PMS1: variants seen among roughly 807,000 people sequenced by gnomAD.
PMS1 encodes PMS1 homolog 1, mismatch repair system component.
A neutral mutation model predicts 93.1 loss-of-function variants in PMS1; 79 were observed. The ratio of observed to expected loss-of-function variants is 0.85; its 90% CI spans 0.71 to 1.02. The LOEUF is 1.02. Among genes scored for constraint, PMS1 ranks in the 50% least tolerant of loss-of-function variants. The pLI, the probability that PMS1 is intolerant of heterozygous loss-of-function variation, is 0.00. For missense variants in PMS1, 1,064 were observed against 1,085.3 expected, an observed-to-expected ratio of 0.98 and a Z score of 0.28; for synonymous variants, 335 against 363.4, an observed-to-expected ratio of 0.92 and a Z score of 0.89.
At chr2:189,802,778 T>C (rs1309566038) in intron 3 of PMS1, among the ~76,000 whole-genome samples, 2 of 152,216 alleles carry the variant, frequency 1.3e-5, no homozygotes, top group South Asian at 2.1e-4. Context: ...TCTGACTCCT[T>C]TTCCACAGTG....
At chr2:189,874,125 T>TAATA (rs1256593674) in intron 12 of PMS1, among the ~76,000 whole-genome samples, 1 of 152,148 alleles carries the variant, frequency 6.6e-6, no homozygotes, top group African/African-American at 2.4e-5. Context: ...AACACTCTAT[T>TAATA]AAGTTTCACA....
chr2:189,873,424 G>A, intron 11 of PMS1, 72 bp from the exon 12 acceptor site: 1 of 1,010,380 alleles, frequency 9.9e-7, no homozygotes, highest in Non-Finnish European at 1.5e-6. Context: ...TGTTTTAACA[G>A]CAATTTTTGT....
intron 3 of PMS1, among the ~76,000 whole-genome samples, chr2:189,797,206 C>T (rs771220493): frequency 6.6e-6 from 1 of 152,136 alleles, no homozygotes; most frequent in Non-Finnish European, 1.5e-5. Context: ...AGTGAGATTA[C>T]GCTCTAGAGA....
Position 189,861,400 on chromosome 2 carries a change from C to CT in PMS1, c.1857-2328dup, listed in dbSNP as rs11295204. ...CTATTTCATCTTCATTTTTGAAGGA[C>CT]TTTTTTTTTTTTTTTAATGATATAG... On this transcript the variant is annotated intron_variant, in intron 9 of 12. Coordinates refer to ENST00000441310, the MANE Select transcript of PMS1 (RefSeq NM_000534.5). Among the ~76,000 whole-genome samples the CT allele has an allele frequency of 3.8e-3, 518 of 136,982 alleles. 2 individuals carry two copies. The highest frequency in any genetic ancestry group is 7.7e-3 in the African/African-American group (294 of 38,342). The allele number at this position is 136,982 out of a possible 152,430, so 89.9% of individuals were successfully genotyped here. A position where few individuals can be genotyped will look rare whatever the true frequency, so the allele number is the denominator to read the frequency against.
chr2:189,826,580 T>C (rs1374285528), intron 5 of PMS1, among the ~76,000 whole-genome samples: 7 of 152,092 alleles, frequency 4.6e-5, no homozygotes, highest in Admixed American at 3.9e-4. Context: ...GAAAGACATA[T>C]AAGTCAAGTT....
At chr2:189,803,697 G>A (rs2050090124) in intron 3 of PMS1, among the ~76,000 whole-genome samples, 1 of 152,132 alleles carries the variant, frequency 6.6e-6, no homozygotes, top group Non-Finnish European at 1.5e-5. Context: ...ACAAACTCTC[G>A]AAATACAATT....
chr2:189,873,706 C>A, intron 12 of PMS1, 50 bp downstream of exon 12: 2 of 1,375,482 alleles, frequency 1.5e-6, no homozygotes, highest in East Asian at 2.3e-5. Flanking sequence ...TCCCAACTCC[C>A]GGGCCAAGCC....
At chr2:189,807,864 A>C (rs1164305880) in intron 4 of PMS1, among the ~76,000 whole-genome samples, 1 of 152,230 alleles carries the variant, frequency 6.6e-6, no homozygotes, top group African/African-American at 2.4e-5. Context: ...TTGCAAAACT[A>C]CTAATTGCTT....
At chr2:189,839,534 A>G (rs1422345555) in intron 5 of PMS1, among the ~76,000 whole-genome samples, 1 of 152,090 alleles carries the variant, frequency 6.6e-6, no homozygotes, top group African/African-American at 2.4e-5. Flanking sequence ...CTATATGTTC[A>G]TGATTTGGCA....
intron 11 of PMS1, among the ~76,000 whole-genome samples, chr2:189,869,906 A>AT (rs902280058): frequency 2.0e-5 from 3 of 150,034 alleles, no homozygotes; most frequent in Non-Finnish European, 4.4e-5. Flanking sequence ...TTCCAAGAGC[A>AT]TTTTTTTTTA....
At chr2:189,805,574 T>G in intron 3 of PMS1, 78 bp from the exon 4 acceptor site, 1 of 1,121,546 alleles carries the variant, frequency 8.9e-7, no homozygotes, top group Non-Finnish European at 1.4e-6. Flanking sequence ...TATTATGCAA[T>G]AATCATTTCA....
intron 1 of PMS1, among the ~76,000 whole-genome samples, chr2:189,790,278 T>G (rs924014465): frequency 1.3e-5 from 2 of 152,228 alleles, no homozygotes; most frequent in Non-Finnish European, 2.9e-5. Flanking sequence ...AGACTGTTGG[T>G]AAGGCACATA....
At chr2:189,823,367 C>T (rs1270331977) in intron 5 of PMS1, among the ~76,000 whole-genome samples, 1 of 152,036 alleles carries the variant, frequency 6.6e-6, no homozygotes, top group Non-Finnish European at 1.5e-5. Context: ...TGGTGTGCTG[C>T]ACCCATTAAC....
At chr2:189,844,229 TA>T in intron 6 of PMS1, 149 bp downstream of exon 6, 3 of 1,313,154 alleles carry the variant, frequency 2.3e-6, no homozygotes, top group Non-Finnish European at 3.1e-6. Context: ...ATACAGAGCT[TA>T]TGTTAAACCT....
chr2:189,796,003 CA>C, intron 3 of PMS1, 52 bp downstream of exon 3: 2 of 1,153,192 alleles, frequency 1.7e-6, no homozygotes, highest in South Asian at 2.4e-5. Flanking sequence ...CTGAACATTA[CA>C]GTTAAAACTA....
intron 4 of PMS1, chr2:189,806,499 G>A (rs2050359161): frequency 3.9e-6 from 1 of 254,950 alleles, no homozygotes; most frequent in African/African-American, 2.3e-5. Flanking sequence ...CCAGGCTCAA[G>A]TGATCCTCCC....
intron 11 of PMS1, among the ~76,000 whole-genome samples, chr2:189,870,077 A>C (rs547140107): frequency 3.0e-4 from 46 of 152,310 alleles, no homozygotes; most frequent in African/African-American, 1.1e-3. Flanking sequence ...AATTAACTTT[A>C]CTTAGATTAT....
At chr2:189,874,121 CTA>C (rs2057371246) in intron 12 of PMS1, among the ~76,000 whole-genome samples, 2 of 151,896 alleles carry the variant, frequency 1.3e-5, no homozygotes, top group Admixed American at 1.3e-4. Flanking sequence ...AAAGAACACT[CTA>C]TTAAGTTTCA....
chr2:189,785,164 A>G (rs190471506), intron 1 of PMS1, among the ~76,000 whole-genome samples: 6 of 152,338 alleles, frequency 3.9e-5, no homozygotes, highest in Admixed American at 2.0e-4. Flanking sequence ...TATTGCCGAA[A>G]TAGCTTTCAA....
Sources: gnomAD v4.1 joint callset for allele counts (sites outside exome capture counted in the v4.1 genomes callset) on GRCh38, gnomAD v4.1.1 for gene constraint, MANE v1.5 for transcripts, NCBI Gene and HGNC (gene_info 2026-07-23, HGNC 2026-07-21) for gene names.